FARS2: variants seen among roughly 807,000 people sequenced by gnomAD.
The protein encoded by FARS2 is phenylalanyl-tRNA synthetase 2, mitochondrial, also known as phenylalanine--tRNA ligase, mitochondrial.
In FARS2, 40 loss-of-function variants were observed where a neutral mutation model predicts 46.4. That is an observed-to-expected ratio of 0.86 (90% CI 0.67 to 1.12). The LOEUF is 1.12. Among genes scored for constraint, FARS2 ranks in the 50% most tolerant of loss-of-function variants. FARS2 has a pLI of 0.00. For missense variants in FARS2, 513 were observed against 567.9 expected, an observed-to-expected ratio of 0.90 and a Z score of 0.98; for synonymous variants, 234 against 214.9, an observed-to-expected ratio of 1.09 and a Z score of -0.78.
At chr6:5,263,640 G>C (rs1200694755) in intron 1 of FARS2, among the ~76,000 whole-genome samples, 3 of 152,148 alleles carry the variant, frequency 2.0e-5, no homozygotes, top group Admixed American at 2.0e-4. Flanking sequence ...TTCTTAGAGA[G>C]TATCTGTAAA....
intron 6 of FARS2, among the ~76,000 whole-genome samples, chr6:5,661,060 C>A (rs1178048483): frequency 6.6e-6 from 1 of 152,164 alleles, no homozygotes; most frequent in African/African-American, 2.4e-5. Context: ...CACAGCTACA[C>A]AAGCAACAAG....
At chr6:5,546,457 G>A (rs563059255) in intron 5 of FARS2, among the ~76,000 whole-genome samples, 47 of 151,282 alleles carry the variant, frequency 3.1e-4, no homozygotes, top group South Asian at 2.1e-3. Flanking sequence ...TCACCATGTT[G>A]GCCAGGCTGG....
chr6:5,710,642 A>G (rs558286614), intron 6 of FARS2, among the ~76,000 whole-genome samples: 23 of 152,368 alleles, frequency 1.5e-4, no homozygotes, highest in African/African-American at 5.5e-4. Context: ...AGACAGAGAT[A>G]GGAATCTGGG....
upstream of FARS2, among the ~76,000 whole-genome samples, chr6:5,256,969 T>TA (rs1764705974): frequency 6.6e-6 from 1 of 152,188 alleles, no homozygotes; most frequent in Non-Finnish European, 1.5e-5. Context: ...TCCCTTCTAA[T>TA]GATTTATCAA....
At chr6:5,477,099 C>T (rs951714272) in intron 4 of FARS2, among the ~76,000 whole-genome samples, 1 of 152,202 alleles carries the variant, frequency 6.6e-6, no homozygotes, top group African/African-American at 2.4e-5. Context: ...CAAAAGCAGA[C>T]TCCATGTCCA....
rs115228874 is a variant in FARS2, at chr6:5,364,156, C to T, written c.-21-4394C>T. On this transcript the variant is annotated intron_variant, in intron 1 of 6. Transcript: ENST00000274680. ...AGAAATCTCTGGGTCACTTTTAACC[C>T]TGAATTCAGCTCATCTTACCCGTTA... Among the ~76,000 whole-genome samples, 1,333 of 152,180 alleles carry T rather than the reference C, an allele frequency of 8.8e-3. 16 individuals are homozygous for T. The highest frequency in any genetic ancestry group is 0.03 in the African/African-American group (1,255 of 41,510).
At chr6:5,732,162 G>C (rs1760669324) in intron 6 of FARS2, among the ~76,000 whole-genome samples, 1 of 152,212 alleles carries the variant, frequency 6.6e-6, no homozygotes. Context: ...CTATGTACCA[G>C]CCACTATGCT....
chr6:5,417,225 A>G (rs1762290173), intron 3 of FARS2, among the ~76,000 whole-genome samples: 1 of 151,792 alleles, frequency 6.6e-6, no homozygotes, highest in African/African-American at 2.4e-5. Context: ...ACCTCTGTGT[A>G]TTTATTTTTG....
chr6:5,547,602 C>T (rs985465210), intron 5 of FARS2, among the ~76,000 whole-genome samples: 1 of 152,208 alleles, frequency 6.6e-6, no homozygotes, highest in African/African-American at 2.4e-5. Context: ...CACAGGATCT[C>T]TTTCTGCTTT....
At chr6:5,494,140 G>A (rs923611439) in intron 4 of FARS2, among the ~76,000 whole-genome samples, 7 of 97,238 alleles carry the variant, frequency 7.2e-5, no homozygotes, top group African/African-American at 1.9e-4. Context: ...TTTTTTTTTT[G>A]TGGTGTCAAG....
rs2150718094 is a variant in FARS2 at position 5,630,842 on chromosome 6, G to T, written c.1217+17522G>T. Among the ~76,000 whole-genome samples, 1 of 152,314 alleles carries T rather than the reference G, an allele frequency of 6.6e-6. No individual in the cohort carries two copies. Among genetic ancestry groups the T allele is most frequent in the African/African-American group, 2.4e-5 (1 of 41,564 alleles). On this transcript the variant is annotated intron_variant, in intron 6 of 6. Transcript: ENST00000274680. This position sits in a 1 kb window ranked among gnomAD's most constrained non-coding sequence, Gnocchi z 4.2. ...TGTGTCTAACTTAAGAAAGAATGTG[G>T]CATGCAAATTAAGACCTGAAAATAT...
At chr6:5,370,093 C>T (rs1758956376) in intron 2 of FARS2, among the ~76,000 whole-genome samples, 2 of 152,142 alleles carry the variant, frequency 1.3e-5, no homozygotes, top group African/African-American at 2.4e-5. Flanking sequence ...GAATTATTAT[C>T]GTCACAAAAC....
intron 6 of FARS2, among the ~76,000 whole-genome samples, chr6:5,613,874 A>G (rs1775320688): frequency 1.3e-5 from 2 of 152,178 alleles, no homozygotes; most frequent in Non-Finnish European, 2.9e-5. Flanking sequence ...TCAAAAAACT[A>G]ATTTCATGTG....
rs867885299 is a variant in FARS2 at position 5,352,396 on chromosome 6, C to T, written c.-21-16154C>T. On this transcript the variant is annotated intron_variant, in intron 1 of 6. Coordinates refer to ENST00000274680, the MANE Select transcript of FARS2 (RefSeq NM_006567.5). ...AAATCTTAAACTCTAACTTGAAGTA[C>T]GTCATGCCCACTCTGCTCAGGTGTG... Among the ~76,000 whole-genome samples the T allele has an allele frequency of 2.0e-5, 3 of 151,678 alleles. No homozygotes were observed. In the South Asian group the frequency reaches 6.2e-4, roughly 32 times the overall value.
chr6:5,696,220 C>T (rs1029354243), intron 6 of FARS2, among the ~76,000 whole-genome samples: 12 of 152,160 alleles, frequency 7.9e-5, no homozygotes, highest in South Asian at 2.1e-4. Flanking sequence ...TTCAAAGATA[C>T]GGGTACTGCA....
intron 5 of FARS2, among the ~76,000 whole-genome samples, chr6:5,557,851 G>A (rs1771754398): frequency 6.6e-6 from 1 of 152,138 alleles, no homozygotes; most frequent in Admixed American, 6.5e-5. Flanking sequence ...TAACTGGATA[G>A]GATTGGTGGG....
At chr6:5,469,311 A>G (rs770768827) in intron 4 of FARS2, among the ~76,000 whole-genome samples, 6 of 152,048 alleles carry the variant, frequency 3.9e-5, no homozygotes, top group Non-Finnish European at 8.8e-5. Flanking sequence ...CTCGGTTCTC[A>G]CTACCTCACA....
chr6:5,410,490 G>A (rs186573418), intron 3 of FARS2, among the ~76,000 whole-genome samples: 176 of 152,220 alleles, frequency 1.2e-3, no homozygotes, highest in Middle Eastern at 6.8e-3. Context: ...CATTTCAGAA[G>A]CACTAATTAG....
At chr6:5,725,331 T>C (rs886244137) in intron 6 of FARS2, among the ~76,000 whole-genome samples, 15 of 152,150 alleles carry the variant, frequency 9.9e-5, no homozygotes, top group African/African-American at 3.6e-4. Context: ...GGGCAAGGCA[T>C]TAAGTGCCAG....
Sources: allele counts gnomAD v4.1 joint callset (sites outside exome capture counted in the v4.1 genomes callset), GRCh38; gene constraint gnomAD v4.1.1; non-coding constraint Gnocchi (gnomAD v3.1); transcripts MANE v1.5; gene names NCBI Gene and HGNC (gene_info 2026-07-23, HGNC 2026-07-21).